Variants in ERBB3 observed in about 807,000 individuals in gnomAD.
The protein encoded by ERBB3 is erb-b2 receptor tyrosine kinase 3, also known as receptor tyrosine-protein kinase erbB-3.
A neutral mutation model predicts 156.7 loss-of-function variants in ERBB3; 96 were observed. The ratio of observed to expected loss-of-function variants is 0.61; its 90% confidence interval spans 0.52 to 0.73. The LOEUF is 0.73. Ranked by LOEUF, ERBB3 falls within the 30% of genes least tolerant of loss-of-function variation. ERBB3 has a pLI of 0.00. For synonymous variants in ERBB3, 567 were observed against 632.0 expected (o/e 0.90, Z 1.54); for missense variants, 1,406 against 1,709.4 (o/e 0.82, Z 3.13).
chr12:56,095,452 G>T, intron 16 of ERBB3, 142 bp downstream of exon 16: 2 of 894,378 alleles, frequency 2.2e-6, no homozygotes, highest in Non-Finnish European at 3.6e-6. Flanking sequence ...TGGGACTCAA[G>T]AATGCAGGCT....
At position 56,093,836 on chromosome 12, in the gene ERBB3, T is replaced by C. The variant is rs1399215989; in HGVS notation, c.1553T>C (p.Leu518Ser). Residue 518 changes from leucine (L) to serine (S), a missense_variant, in exon 13 of 28, where the codon TTG becomes TCG. Coordinates refer to ENST00000267101, the MANE Select transcript of ERBB3 (RefSeq NM_001982.4). The stretch of plus-strand genomic sequence containing the variant: ...TGGGGCCCAGGCCCTGGTCAGTGCT[T>C]GTCCTGTCGAAATTATAGCCGAGGA... ...GCWGPGPGQC[L>S]SCRNYSRGGV... The C allele has an allele frequency of 1.9e-6, 3 of 1,613,862 alleles. No individual in the cohort carries two copies. The highest frequency in any genetic ancestry group is 2.5e-6 in the Non-Finnish European group (3 of 1,179,932).
In ERBB3 at chr12:56,093,771, G is replaced by A. The variant is rs1217668964; in HGVS notation, c.1488G>A (p.Glu496=). The stretch of plus-strand genomic sequence containing the variant: ...CCACCCCTTCCTTTCCAGTGGCAGA[G>A]GGCAAAGTGTGTGACCCACTGTGCT... ...HNRPRRDCVA[E]GKVCDPLCSS... The change falls in exon 13 of 28, where the codon GAG becomes GAA. Residue 496 remains glutamate, a synonymous_variant. Coordinates refer to ENST00000267101, the MANE Select transcript of ERBB3 (RefSeq NM_001982.4). 6 of 1,614,104 alleles carry A rather than the reference G, an allele frequency of 3.7e-6. No individual in the cohort carries two copies. Among genetic ancestry groups the A allele is most frequent in the South Asian group, 1.1e-5 (1 of 91,080 alleles).
intron 15 of ERBB3, 86 bp downstream of exon 15, chr12:56,094,642 G>A: frequency 6.7e-7 from 1 of 1,489,290 alleles, no homozygotes; most frequent in Non-Finnish European, 9.2e-7. Context: ...AGAAGAGAGA[G>A]GCTGTGATTC....
At position 56,088,532 on chromosome 12, in the gene ERBB3, C is replaced by T. The variant is rs1285521372; in HGVS notation, c.875-11C>T. On this transcript the variant is annotated splice_polypyrimidine_tract_variant and intron_variant, in intron 7 of 27. Transcript: ENST00000267101. Reference sequence around the variant, plus strand: ...CCTCATCTCTAATGGTGTCCTCCTCCTCTTCCCTAGATAACTTTGTGGTGG... The same window carrying T: ...CCTCATCTCTAATGGTGTCCTCCTCTTCTTCCCTAGATAACTTTGTGGTGG... 1.9e-5 allele frequency: 30 copies of T among 1,589,912 alleles called. No individual in the cohort carries two copies. The highest frequency in any genetic ancestry group is 2.6e-5 in the Non-Finnish European group (30 of 1,157,984).
rs1869164519 is a variant in ERBB3, at chr12:56,102,825, A to AAAC, written c.*772_*773insCAA. 1 of 214,950 alleles carries AAAC rather than the reference A, an allele frequency of 4.7e-6. No individual in the cohort carries two copies. Among genetic ancestry groups the AAAC allele is most frequent in the East Asian group, 6.7e-5 (1 of 14,982 alleles). 13.3% of individuals were successfully genotyped at this position (214,950 alleles called of 1,614,324 possible). On this transcript the variant is annotated 3_prime_UTR_variant, in exon 28 of 28. Coordinates refer to ENST00000267101, the MANE Select transcript of ERBB3 (RefSeq NM_001982.4). Reference sequence around the variant, plus strand: ...TCTCTTTAAAAAAAAAAAAAAAAAAAAAAAAAAAACTTTAGAACTGGGTGC... The same window carrying AAAC: ...TCTCTTTAAAAAAAAAAAAAAAAAAAAACAAAAAAAAACTTTAGAACTGGGTGC...
rs530514718 is a variant in ERBB3 at position 56,098,983 on chromosome 12, TCA to T, written c.2839+81_2839+82del. 2,991 of 1,344,644 alleles carry T rather than the reference TCA, an allele frequency of 2.2e-3. 3 individuals are homozygous for T. Among genetic ancestry groups the T allele is most frequent in the Middle Eastern group, 4.9e-3 (19 of 3,842 alleles). 83.3% of individuals were successfully genotyped at this position (1,344,644 alleles called of 1,614,324 possible). On this transcript the variant is annotated intron_variant, in intron 23 of 27. Coordinates refer to ENST00000267101, the MANE Select transcript of ERBB3 (RefSeq NM_001982.4). ...TTTTTTTTTTTTTTGAGACAGAGTC[TCA>T]CAATTGTCACCCAGGCTGGAGTGCA...
Position 56,101,156 on chromosome 12 carries a change from G to A in ERBB3, c.3297G>A (p.Gly1099=), listed in dbSNP as rs2136828550. The A allele has an allele frequency of 6.2e-7, 1 of 1,614,104 alleles. No individual in the cohort carries two copies. The highest frequency in any genetic ancestry group is 8.5e-7 in the Non-Finnish European group (1 of 1,180,008). ...GCCTGGCATCAGAGTCATCAGAGGG[G>A]CATGTAACAGGCTCTGAGGCTGAGC... ...RGCLASESSE[G]HVTGSEAELQ... The change falls in exon 27 of 28, where the codon GGG becomes GGA. Residue 1099 remains glycine (G), a synonymous_variant. Transcript: ENST00000267101.
rs1486495564 is a variant in ERBB3, at chr12:56,082,286, C to T, written c.83-1465C>T. Among the ~76,000 whole-genome samples, 4 of 152,280 alleles carry T rather than the reference C, an allele frequency of 2.6e-5. 1 individual carries two copies. In the East Asian group the frequency reaches 5.8e-4, roughly 22 times the overall value. On this transcript the variant is annotated intron_variant, in intron 1 of 27. Transcript: ENST00000267101. ...CCTGTGCAGAAAGCTTGGCTCCTCC[C>T]TTATCTGGGGAGAAGTGTTGGCACT...
intron 2 of ERBB3, 101 bp from the exon 3 acceptor site, chr12:56,084,894 A>G (rs983394810): frequency 1.3e-6 from 2 of 1,572,962 alleles, no homozygotes; most frequent in East Asian, 2.3e-5. Flanking sequence ...AGAAGGAAGA[A>G]TTAAAACAGT....
At chr12:56,089,043 C>T in intron 9 of ERBB3, 175 bp downstream of exon 9, 1 of 788,770 alleles carries the variant, frequency 1.3e-6, no homozygotes, top group Non-Finnish European at 2.2e-6. Context: ...GCCTTCGGTC[C>T]CCTCAGGAAC....
intron 27 of ERBB3, 47 bp from the exon 28 acceptor site, chr12:56,101,482 C>G (rs1439128669): frequency 1.2e-6 from 2 of 1,605,444 alleles, no homozygotes; most frequent in Non-Finnish European, 1.7e-6. Context: ...CTTTCCCCTA[C>G]CCTCATGAAG....
rs188400828 is a variant in ERBB3 at position 56,103,428 on chromosome 12, A to G, written c.*1373A>G. ...GTCCCCTTGGATGGGGAACTAAGGG[A>G]AAACGTCTGTTGTATCACTGAAGTT... On this transcript the variant is annotated 3_prime_UTR_variant, in exon 28 of 28. Coordinates refer to ENST00000267101, the MANE Select transcript of ERBB3 (RefSeq NM_001982.4). 2.8e-3 allele frequency: 581 copies of G among 210,016 alleles called. 10 individuals carry two copies. In the East Asian group the frequency reaches 0.033, roughly 12 times the overall value. 13.0% of individuals were successfully genotyped at this position (210,016 alleles called of 1,614,324 possible). A position where few individuals can be genotyped will look rare whatever the true frequency, so the allele number is the denominator to read the frequency against.
At chr12:56,100,130 A>G in intron 25 of ERBB3, 44 bp from the exon 26 acceptor site, 1 of 1,597,046 alleles carries the variant, frequency 6.3e-7, no homozygotes, top group Non-Finnish European at 8.6e-7. Flanking sequence ...GTGAATGTAG[A>G]TTTCTCCCTT....
chr12:56,098,621 C>T (rs766331240), intron 22 of ERBB3, 46 bp downstream of exon 22: 4 of 1,591,454 alleles, frequency 2.5e-6, no homozygotes, highest in East Asian at 4.5e-5. Context: ...GCCCCAGTTT[C>T]AAATTTACCT....
At chr12:56,097,349 G>A in intron 20 of ERBB3, 119 bp downstream of exon 20, 1 of 936,638 alleles carries the variant, frequency 1.1e-6, no homozygotes, top group South Asian at 1.4e-5. Context: ...CTGCAGACTG[G>A]TACCAGTCCA....
intron 2 of ERBB3, 139 bp from the exon 3 acceptor site, chr12:56,084,856 A>T (rs995273951): frequency 3.7e-5 from 52 of 1,400,872 alleles, no homozygotes; most frequent in Middle Eastern, 4.0e-4. Flanking sequence ...CTCAAATTTT[A>T]AAAAAAAGAA....
chr12:56,099,066 C>T, intron 23 of ERBB3, 161 bp downstream of exon 23: 1 of 675,792 alleles, frequency 1.5e-6, no homozygotes, highest in Non-Finnish European at 2.5e-6. Flanking sequence ...TCAAGAGATT[C>T]TCCTGCTTCA....
At chr12:56,094,893 G>T (rs979541007) in intron 15 of ERBB3, among the ~76,000 whole-genome samples, 1 of 151,618 alleles carries the variant, frequency 6.6e-6, no homozygotes, top group Non-Finnish European at 1.5e-5. Context: ...AGAGGTTGCG[G>T]TGAGCTGAGA....
chr12:56,098,420 A>T, intron 21 of ERBB3, 80 bp from the exon 22 acceptor site: 2 of 1,182,550 alleles, frequency 1.7e-6, no homozygotes, highest in Non-Finnish European at 2.5e-6. Context: ...TCAAAAAAAA[A>T]AAAAAAAGAA....
Sources: gnomAD v4.1 joint callset for allele counts (sites outside exome capture counted in the v4.1 genomes callset) on GRCh38, gnomAD v4.1.1 for gene constraint, MANE v1.5 for transcripts, NCBI Gene and HGNC (gene_info 2026-07-23, HGNC 2026-07-21) for gene names.